Variants in TASOR2 observed in about 807,000 individuals in gnomAD.
TASOR2 encodes transcription activation suppressor family member 2, also known as protein TASOR 2.
A neutral mutation model predicts 199.5 loss-of-function variants in TASOR2; 84 were observed. The observed-to-expected ratio is 0.42, with a 90% CI of 0.35 to 0.50. The LOEUF is 0.50. TASOR2 is among the 20% of genes least tolerant of loss of function. TASOR2 has a pLI of 0.02. For synonymous variants in TASOR2, 1,103 were observed against 1,046.6 expected (o/e 1.05, Z -1.04); for missense variants, 2,796 against 2,835.9 (o/e 0.99, Z 0.32).
rs1833128451 is a variant in TASOR2 at position 5,719,754 on chromosome 10, T to G, written c.-99-790T>G. Among the ~76,000 whole-genome samples the G allele has an allele frequency of 6.6e-6, 1 of 152,178 alleles. No individual in the cohort carries two copies. The highest frequency in any genetic ancestry group is 1.5e-5 in the Non-Finnish European group (1 of 68,030). On this transcript the variant is annotated intron_variant, in intron 3 of 20. Transcript: ENST00000328090. This position sits in a 1 kb window ranked among gnomAD's most constrained non-coding sequence, Gnocchi z 4.1. ...CCAGGACCAGCTGCCTGCTAAGAAC[T>G]TTGCTACATATTTGCTCCTTGTTAA...
In TASOR2 at chr10:5,685,091, A is replaced by G; in HGVS notation, c.-372A>G. On this transcript the variant is annotated 5_prime_UTR_variant, in exon 1 of 21. Coordinates refer to ENST00000328090, the Ensembl canonical transcript of TASOR2. The surrounding 1 kb of genome is among the most constrained non-coding windows in gnomAD (Gnocchi z 5.4). ...GCCGGTGTCGCGAGGGCCCGGGAGG[A>G]CGCAGAGCACGGCCGGGAGAAGCAT... 1 of 398,088 alleles carries G rather than the reference A, an allele frequency of 2.5e-6. No homozygotes were observed. The highest frequency in any genetic ancestry group is 4.4e-6 in the Non-Finnish European group (1 of 225,688). 24.7% of individuals were successfully genotyped at this position (398,088 alleles called of 1,614,324 possible).
intron 14 of TASOR2, chr10:5,744,000 G>A (rs997942917): frequency 6.6e-6 from 1 of 152,214 alleles, no homozygotes; most frequent in Non-Finnish European, 1.5e-5. Flanking sequence ...GCATGTTGCT[G>A]CTAGTCATGT....
Position 5,685,128 on chromosome 10 carries a change from C to T in TASOR2, c.-335C>T. 1 of 398,206 alleles carries T rather than the reference C, an allele frequency of 2.5e-6. No individual in the cohort carries two copies. 24.7% of individuals were successfully genotyped at this position (398,206 alleles called of 1,614,324 possible). A position where few individuals can be genotyped will look rare whatever the true frequency, so the allele number is the denominator to read the frequency against. ...GCCGGGAGAAGCATGGGAAGGAGGC[C>T]GAGCCGGGATCTCAGGTCCTCGGGG... On this transcript the variant is annotated 5_prime_UTR_variant, in exon 1 of 21. Coordinates refer to ENST00000328090, the Ensembl canonical transcript of TASOR2. The surrounding 1 kb of genome is among the most constrained non-coding windows in gnomAD (Gnocchi z 5.4).
rs554925759 is a variant in TASOR2, at chr10:5,723,111, G to A, written c.147-566G>A. 2.9e-5 allele frequency among the ~76,000 whole-genome samples: 4 copies of A among 136,366 alleles called. No homozygotes were observed. The South Asian group carries it at 1.0e-3, about 36-fold the overall frequency. 89.5% of individuals were successfully genotyped at this position (136,366 alleles called of 152,430 possible). A position where few individuals can be genotyped will look rare whatever the true frequency, so the allele number is the denominator to read the frequency against. ...CTGTCGCCCAGGCTAGAGTGCAGCG[G>A]CACAATCTCAGCTCACTGCAAGCTC... On this transcript the variant is annotated intron_variant, in intron 6 of 20. Coordinates refer to ENST00000328090, the Ensembl canonical transcript of TASOR2.
intron 2 of TASOR2, among the ~76,000 whole-genome samples, chr10:5,716,902 A>G (rs1004537201): frequency 1.3e-5 from 2 of 148,470 alleles, no homozygotes; most frequent in Non-Finnish European, 3.0e-5. Flanking sequence ...ATATAAATGT[A>G]TATAAATATA....
chr10:5,739,530 A>G, intron 12 of TASOR2, 88 bp from the exon 14 acceptor site: 1 of 1,271,160 alleles, frequency 7.9e-7, no homozygotes. Flanking sequence ...TTTCTCAGAC[A>G]TGTTGAATTA....
At chr10:5,707,718 A>T (rs1588654836) in intron 1 of TASOR2, among the ~76,000 whole-genome samples, 2 of 125,942 alleles carry the variant, frequency 1.6e-5, no homozygotes, top group African/African-American at 3.3e-5. Flanking sequence ...ACTCTCCCTC[A>T]CTCATTTTCA....
At chr10:5,723,615 A>C (rs1833661821) in intron 6 of TASOR2, 62 bp from the exon 8 acceptor site, 2 of 1,114,300 alleles carry the variant, frequency 1.8e-6, no homozygotes, top group South Asian at 4.8e-5. Context: ...GAAAACCAAA[A>C]CTTAAGAAAA....
intron 1 of TASOR2, among the ~76,000 whole-genome samples, chr10:5,702,433 T>G (rs1463803228): frequency 6.6e-6 from 1 of 152,136 alleles, no homozygotes. Context: ...TCCTCTGGTG[T>G]TAGTATCAGA....
At chr10:5,705,719 A>G (rs1391997776) in intron 1 of TASOR2, among the ~76,000 whole-genome samples, 1 of 152,116 alleles carries the variant, frequency 6.6e-6, no homozygotes, top group East Asian at 1.9e-4. Context: ...CCTGATAACT[A>G]ATAATATTGA....
exon 11 of TASOR2, chr10:5,731,080 A>G: frequency 6.2e-7 from 1 of 1,614,052 alleles, no homozygotes; most frequent in Non-Finnish European, 8.5e-7. Flanking sequence ...CATGGTGCAG[A>G]GTAAAAAGGT....
At chr10:5,708,758 G>C (rs915422395) in intron 1 of TASOR2, among the ~76,000 whole-genome samples, 3 of 151,584 alleles carry the variant, frequency 2.0e-5, no homozygotes, top group African/African-American at 7.3e-5. Flanking sequence ...CTGGAGTTCA[G>C]GGGTGCAATC....
chr10:5,720,583 C>T lies in TASOR2; in HGVS notation c.-60C>T. 10 of 1,607,428 alleles carry T rather than the reference C, an allele frequency of 6.2e-6. No homozygotes were observed. The highest frequency in any genetic ancestry group is 4.5e-5 in the South Asian group (4 of 89,308). On this transcript the variant is annotated 5_prime_UTR_variant, in exon 4 of 21. The change creates a new upstream start codon in the 5' untranslated region. Transcript: ENST00000328090. This position sits in a 1 kb window ranked among gnomAD's most constrained non-coding sequence, Gnocchi z 5.3. ...ACTTTCAGGCAACACCGTTATTGAA[C>T]GACCCAGACAGATCTGTCCTTATGT...
At chr10:5,756,471 A>G (rs1178537355) in intron 15 of TASOR2, 142 bp from the exon 17 acceptor site, 14 of 634,822 alleles carry the variant, frequency 2.2e-5, no homozygotes, top group Non-Finnish European at 3.5e-5. Flanking sequence ...TATATATAAA[A>G]GGTGCTTATT....
intron 18 of TASOR2, among the ~76,000 whole-genome samples, chr10:5,760,050 G>A (rs1008314664): frequency 4.6e-5 from 7 of 152,178 alleles, no homozygotes; most frequent in South Asian, 2.1e-4. Flanking sequence ...ACTTAACGAC[G>A]GGGATACAGC....
Position 5,720,335 on chromosome 10 carries a change from T to C in TASOR2, c.-99-209T>C, listed in dbSNP as rs1433192032. On this transcript the variant is annotated intron_variant, in intron 3 of 20. Transcript: ENST00000328090. This position sits in a 1 kb window ranked among gnomAD's most constrained non-coding sequence, Gnocchi z 5.3. ...ATCTTCTGGCTATGATTGCCACGTG[T>C]CTGAAAATACTAACAAGGTTTCTAA... 1 of 985,292 alleles carries C rather than the reference T, an allele frequency of 1.0e-6. No individual in the cohort carries two copies. Among genetic ancestry groups the C allele is most frequent in the Non-Finnish European group, 1.2e-6 (1 of 829,918 alleles). The allele number at this position is 985,292 out of a possible 1,614,324, so 61.0% of individuals were successfully genotyped here. A position where few individuals can be genotyped will look rare whatever the true frequency, so the allele number is the denominator to read the frequency against.
intron 10 of TASOR2, among the ~76,000 whole-genome samples, chr10:5,727,792 T>C (rs1834245056): frequency 6.6e-6 from 1 of 152,224 alleles, no homozygotes; most frequent in Non-Finnish European, 1.5e-5. Flanking sequence ...ACTCCTATGC[T>C]TATTTATCAT....
chr10:5,688,490 G>C (rs1836051528), intron 1 of TASOR2, among the ~76,000 whole-genome samples: 3 of 136,910 alleles, frequency 2.2e-5, no homozygotes, highest in African/African-American at 8.4e-5. Context: ...CCCCTGCCTC[G>C]CCTCTCAAAG....
chr10:5,697,515 G>A (rs1837306570), intron 1 of TASOR2, among the ~76,000 whole-genome samples: 1 of 152,196 alleles, frequency 6.6e-6, no homozygotes, highest in South Asian at 2.1e-4. Flanking sequence ...ATGAGAAAGT[G>A]CCTGGGTGGG....
Sources: gnomAD v4.1 joint callset for allele counts (sites outside exome capture counted in the v4.1 genomes callset) on GRCh38, gnomAD v4.1.1 for gene constraint, Gnocchi (gnomAD v3.1) non-coding constraint, MANE v1.5 for transcripts, NCBI Gene and HGNC (gene_info 2026-07-23, HGNC 2026-07-21) for gene names.